The following TMEM132E variants were observed in gnomAD, a reference collection of about 807,000 sequenced individuals.
TMEM132E encodes the protein transmembrane protein 132E.
Under a neutral mutation model 78.5 loss-of-function variants are expected in TMEM132E, and 49 were observed. That is an observed-to-expected ratio of 0.62 (90% CI 0.50 to 0.79). The LOEUF (loss-of-function observed/expected upper bound fraction) is 0.79. Ranked by LOEUF, TMEM132E falls within the 30% of genes least tolerant of loss-of-function variation. The probability of loss-of-function intolerance (pLI) is 0.00; values close to 1 mark genes in which losing one functional copy is unlikely to be tolerated. For synonymous variants in TMEM132E, 715 were observed against 670.6 expected, an observed-to-expected ratio of 1.07 and a Z score of -1.02; for missense variants, 1,403 against 1,470.9, an observed-to-expected ratio of 0.95 and a Z score of 0.75.
At chr17:34,607,115 A>G (rs532438909) in intron 1 of TMEM132E, among the ~76,000 whole-genome samples, 1 of 152,338 alleles carries the variant, frequency 6.6e-6, no homozygotes, top group South Asian at 2.1e-4. Flanking sequence ...AGCTCCTTTC[A>G]TTACAGCTCT....
At chr17:34,593,205 G>A (rs564874712) in intron 1 of TMEM132E, among the ~76,000 whole-genome samples, 5 of 151,032 alleles carry the variant, frequency 3.3e-5, no homozygotes, top group South Asian at 4.2e-4. Context: ...CCAGGAGTTC[G>A]AGACCACCCT....
In TMEM132E at chr17:34,593,647, G is replaced by A. The variant is rs1203127080; in HGVS notation, c.67+12504G>A. On this transcript the variant is annotated intron_variant, in intron 1 of 8. Coordinates refer to ENST00000631683, the MANE Select transcript of TMEM132E (RefSeq NM_001304438.2). The stretch of plus-strand genomic sequence containing the variant: ...CAGCTCTGGCATGATTTGTGCTGAC[G>A]ATGATGACTCCCATCCATTCAGAGG... 2.6e-5 allele frequency among the ~76,000 whole-genome samples: 4 copies of A among 152,234 alleles called. No individual in the cohort carries two copies. The East Asian group carries it at 7.7e-4, about 29-fold the overall frequency.
rs375095100 is a variant in TMEM132E, at chr17:34,622,345, C to G, written c.68-3782C>G. ...TTAGTGTTAGGTCTCAGGGACCCAC[C>G]CTGCTCCAATGCTGAGGAGACTGAA... On this transcript the variant is annotated intron_variant, in intron 1 of 8. Transcript: ENST00000631683. Among the ~76,000 whole-genome samples, 182 of 152,282 alleles carry G rather than the reference C, an allele frequency of 1.2e-3. 1 individual carries two copies. Among genetic ancestry groups the G allele is most frequent in the African/African-American group, 4.2e-3 (174 of 41,554 alleles).
chr17:34,595,315 C>T (rs1454035574), intron 1 of TMEM132E, among the ~76,000 whole-genome samples: 1 of 152,218 alleles, frequency 6.6e-6, no homozygotes, highest in East Asian at 1.9e-4. Flanking sequence ...CAGTGCCCAC[C>T]TCTTAGATCA....
At chr17:34,595,396 C>T (rs1368356679) in intron 1 of TMEM132E, among the ~76,000 whole-genome samples, 2 of 152,240 alleles carry the variant, frequency 1.3e-5, no homozygotes, top group African/African-American at 2.4e-5. Context: ...AGGACAGATA[C>T]TCTGATTATC....
At chr17:34,584,344 T>C (rs573179193) in intron 1 of TMEM132E, among the ~76,000 whole-genome samples, 1 of 152,232 alleles carries the variant, frequency 6.6e-6, no homozygotes, top group Non-Finnish European at 1.5e-5. Context: ...AGTTCAAATG[T>C]CACCTCCTCC....
intron 1 of TMEM132E, among the ~76,000 whole-genome samples, chr17:34,588,170 C>G (rs536167927): frequency 6.6e-6 from 1 of 152,190 alleles, no homozygotes; most frequent in Non-Finnish European, 1.5e-5. Context: ...TTCCCTCTGA[C>G]CAGAACACTC....
rs1555565371 is a variant in TMEM132E at position 34,638,261 on chromosome 17, C to CCG, written c.*30_*31insGC. 1 of 1,473,390 alleles carries CCG rather than the reference C, an allele frequency of 6.8e-7. No individual in the cohort carries two copies. The highest frequency in any genetic ancestry group is 1.4e-5 in the South Asian group (1 of 71,392). 91.3% of individuals were successfully genotyped at this position (1,473,390 alleles called of 1,614,324 possible). ...CGCCAGCCGGAGTAGCAGGGACCCC[C>CCG]CCCCCCAACGGGGTCAGCTCGGGGT... On this transcript the variant is annotated 3_prime_UTR_variant, in exon 9 of 9. Coordinates refer to ENST00000631683, the MANE Select transcript of TMEM132E (RefSeq NM_001304438.2).
In TMEM132E at chr17:34,581,129, C is replaced by G; in HGVS notation, c.53C>G (p.Ala18Gly). 6.6e-7 allele frequency: 1 copy of G among 1,523,964 alleles called. No homozygotes were observed. Among genetic ancestry groups the G allele is most frequent in the Non-Finnish European group, 8.8e-7 (1 of 1,140,994 alleles). 94.4% of individuals were successfully genotyped at this position (1,523,964 alleles called of 1,614,324 possible). The change falls in exon 1 of 9, where the codon GCG becomes GGG. Residue 18 changes from alanine to glycine, a missense_variant. By Grantham distance (60) the Ala-to-Gly change is moderately conservative. Transcript: ENST00000631683. ...RGGAALLCLS[A>G]LLAHASGRSH... ...GGCGCCGCCCTGCTCTGCCTCTCAG[C>G]GCTACTCGCCCACGGTAAGTGTCGC...
intron 1 of TMEM132E, among the ~76,000 whole-genome samples, chr17:34,607,291 G>C (rs1216870942): frequency 6.6e-6 from 1 of 152,210 alleles, no homozygotes; most frequent in Non-Finnish European, 1.5e-5. Context: ...GGGGCCCACA[G>C]ACCACAGGGG....
At chr17:34,629,971 G>T (rs1907297698) in intron 4 of TMEM132E, 37 bp from the exon 5 acceptor site, 1 of 1,574,868 alleles carries the variant, frequency 6.3e-7, no homozygotes, top group Non-Finnish European at 8.7e-7. Flanking sequence ...GACAGAAGGG[G>T]ACCACAAGTA....
At chr17:34,613,209 A>ACGCGCGCG (rs1383529235) in intron 1 of TMEM132E, among the ~76,000 whole-genome samples, 1,141 of 63,466 alleles carry the variant, frequency 0.018, 12 homozygotes, top group Admixed American at 0.05. Context: ...ACACACACAC[A>ACGCGCGCG]CACGCGCGCG....
At chr17:34,594,660 G>T (rs188843700) in intron 1 of TMEM132E, among the ~76,000 whole-genome samples, 1 of 152,274 alleles carries the variant, frequency 6.6e-6, no homozygotes, top group Admixed American at 6.5e-5. Flanking sequence ...CATGATCATA[G>T]CTCACTGCAG....
At chr17:34,585,087 C>T (rs933567953) in intron 1 of TMEM132E, among the ~76,000 whole-genome samples, 5 of 152,222 alleles carry the variant, frequency 3.3e-5, no homozygotes, top group Non-Finnish European at 5.9e-5. Context: ...ATGCTTGCTT[C>T]GCCTCTCCCA....
intron 1 of TMEM132E, among the ~76,000 whole-genome samples, chr17:34,623,437 G>A (rs1907027780): frequency 6.7e-6 from 1 of 148,908 alleles, no homozygotes; most frequent in Admixed American, 6.6e-5. Flanking sequence ...AGCCTGGATA[G>A]TGAGCACTGA....
intron 1 of TMEM132E, among the ~76,000 whole-genome samples, chr17:34,591,419 C>A (rs1027938006): frequency 6.6e-6 from 1 of 152,146 alleles, no homozygotes; most frequent in Non-Finnish European, 1.5e-5. Flanking sequence ...ATCCTCCCAC[C>A]TCCACATCCC....
chr17:34,587,162 G>A (rs961329155), intron 1 of TMEM132E, among the ~76,000 whole-genome samples: 4 of 152,182 alleles, frequency 2.6e-5, no homozygotes, highest in African/African-American at 9.7e-5. Flanking sequence ...GTTCTCAGCA[G>A]CATCTCCATC....
intron 1 of TMEM132E, among the ~76,000 whole-genome samples, chr17:34,586,654 C>T (rs1905691716): frequency 6.6e-6 from 1 of 152,280 alleles, no homozygotes; most frequent in East Asian, 1.9e-4. Flanking sequence ...ACCACCACCA[C>T]TTCCCACCCA....
At chr17:34,614,255 A>G (rs1408824310) in intron 1 of TMEM132E, among the ~76,000 whole-genome samples, 1 of 152,090 alleles carries the variant, frequency 6.6e-6, no homozygotes, top group Non-Finnish European at 1.5e-5. Flanking sequence ...CCAACTCCAG[A>G]CCTGCTGACA....
Sources: allele counts gnomAD v4.1 joint callset (sites outside exome capture counted in the v4.1 genomes callset), GRCh38; gene constraint gnomAD v4.1.1; transcripts MANE v1.5; gene names NCBI Gene and HGNC (gene_info 2026-07-23, HGNC 2026-07-21).